Variants in NRF1 observed in about 807,000 individuals in gnomAD.
NRF1 encodes the protein alpha palindromic-binding protein.
A neutral mutation model predicts 58.5 loss-of-function variants in NRF1; 5 were observed. The observed-to-expected ratio is 0.09, with a 90% CI of 0.04 to 0.18. NRF1 has a LOEUF of 0.18. Ranked by LOEUF, NRF1 falls within the 10% of genes least tolerant of loss-of-function variation. The pLI is 1.00. For missense variants in NRF1, 288 were observed against 657.7 expected, an observed-to-expected ratio of 0.44 and a Z score of 6.15; for synonymous variants, 224 against 246.7, an observed-to-expected ratio of 0.91 and a Z score of 0.86.
chr7:129,663,630 C>T (rs1801846192), intron 2 of NRF1, among the ~76,000 whole-genome samples: 1 of 148,634 alleles, frequency 6.7e-6, no homozygotes, highest in South Asian at 2.2e-4. Context: ...AGAGGCGCTC[C>T]TCACTTCCCA....
In NRF1 at chr7:129,652,683, C is replaced by T. The variant is rs559002285; in HGVS notation, c.-6-4663C>T. On this transcript the variant is annotated intron_variant, in intron 1 of 10. Coordinates refer to ENST00000393232, the MANE Select transcript of NRF1 (RefSeq NM_005011.5). ...GCATCTCACTGCAAGCTCCGCCTTC[C>T]GGGTTCACGCCATTCTCCTACCTCA... Among the ~76,000 whole-genome samples the T allele has an allele frequency of 6.9e-4, 105 of 152,240 alleles. 2 individuals are homozygous for T. In the South Asian group the frequency reaches 0.016, roughly 23 times the overall value.
At chr7:129,654,760 G>A (rs1291850464) in intron 1 of NRF1, among the ~76,000 whole-genome samples, 2 of 152,158 alleles carry the variant, frequency 1.3e-5, no homozygotes, top group Non-Finnish European at 2.9e-5. Context: ...TCAGAGATCA[G>A]CTGGCTCTAT....
chr7:129,670,907 A>G (rs770212701), intron 2 of NRF1, among the ~76,000 whole-genome samples: 5 of 152,332 alleles, frequency 3.3e-5, no homozygotes, highest in Middle Eastern at 3.4e-3. Context: ...TTTTTCAATT[A>G]AGATGTTATT....
intron 2 of NRF1, among the ~76,000 whole-genome samples, chr7:129,669,397 G>A (rs1231413249): frequency 6.6e-6 from 1 of 152,176 alleles, no homozygotes. Flanking sequence ...GAAGTATTTA[G>A]GGGGATCATA....
At chr7:129,671,621 A>T in intron 3 of NRF1, 78 bp downstream of exon 3, 1 of 768,434 alleles carries the variant, frequency 1.3e-6, no homozygotes, top group Non-Finnish European at 2.3e-6. Flanking sequence ...ATATGTGATT[A>T]GGTTTGTCAA....
At chr7:129,636,336 G>C (rs1360120618) in intron 1 of NRF1, among the ~76,000 whole-genome samples, 1 of 151,970 alleles carries the variant, frequency 6.6e-6, no homozygotes, top group Non-Finnish European at 1.5e-5. Context: ...CTGGGTTCAA[G>C]CGATTCTTGT....
chr7:129,682,431 C>G (rs1344662554), intron 4 of NRF1, among the ~76,000 whole-genome samples: 1 of 151,282 alleles, frequency 6.6e-6, no homozygotes, highest in African/African-American at 2.4e-5. Context: ...GCACTCTAGC[C>G]TGGATGACAG....
intron 5 of NRF1, among the ~76,000 whole-genome samples, chr7:129,702,110 T>C (rs1054416360): frequency 1.3e-5 from 2 of 152,120 alleles, no homozygotes; most frequent in Non-Finnish European, 2.9e-5. Context: ...GGAGACTGGA[T>C]TGAGGGAGGA....
At chr7:129,750,348 G>A (rs980837089) in intron 10 of NRF1, among the ~76,000 whole-genome samples, 1 of 152,180 alleles carries the variant, frequency 6.6e-6, no homozygotes, top group Non-Finnish European at 1.5e-5. Flanking sequence ...GCAGCCGCCC[G>A]ACTTAGGGCA....
intron 10 of NRF1, among the ~76,000 whole-genome samples, chr7:129,746,275 C>T (rs1803972817): frequency 6.6e-6 from 1 of 152,170 alleles, no homozygotes; most frequent in African/African-American, 2.4e-5. Flanking sequence ...CCCCGTTTGC[C>T]CTACTATCAT....
chr7:129,645,428 T>C (rs1290803119), intron 1 of NRF1, among the ~76,000 whole-genome samples: 1 of 152,152 alleles, frequency 6.6e-6, no homozygotes, highest in Non-Finnish European at 1.5e-5. Flanking sequence ...CACTTGTACA[T>C]GCTGAGCCCA....
chr7:129,752,729 T>C (rs75613728), intron 10 of NRF1, among the ~76,000 whole-genome samples: 6,506 of 152,090 alleles, frequency 0.043, 168 homozygotes, highest in Middle Eastern at 0.13. Flanking sequence ...GAAAGATAAT[T>C]TGAGTGACTG....
intron 1 of NRF1, among the ~76,000 whole-genome samples, chr7:129,634,884 G>C (rs2151064059): frequency 6.6e-6 from 1 of 152,346 alleles, no homozygotes; most frequent in East Asian, 1.9e-4. Flanking sequence ...ACAAGTAATT[G>C]AGGTCTGTGG....
chr7:129,745,004 A>G (rs1027665690), intron 10 of NRF1, among the ~76,000 whole-genome samples: 1 of 100,966 alleles, frequency 9.9e-6, no homozygotes, highest in African/African-American at 2.9e-5. Context: ...AAGTTTGAAG[A>G]AAAAAAAAAG....
At chr7:129,716,774 G>A (rs1177380539) in intron 8 of NRF1, among the ~76,000 whole-genome samples, 1 of 152,068 alleles carries the variant, frequency 6.6e-6, no homozygotes, top group Non-Finnish European at 1.5e-5. Flanking sequence ...GGGAGCCTGA[G>A]GCAGGAGAAT....
chr7:129,678,187 C>T (rs921385758), intron 4 of NRF1, among the ~76,000 whole-genome samples: 58 of 152,102 alleles, frequency 3.8e-4, no homozygotes, highest in Non-Finnish European at 6.5e-4. Context: ...TTACATTTAT[C>T]AAAGAATTGA....
At chr7:129,681,819 G>A (rs1802317267) in intron 4 of NRF1, among the ~76,000 whole-genome samples, 2 of 108,676 alleles carry the variant, frequency 1.8e-5, no homozygotes, top group Non-Finnish European at 3.7e-5. Context: ...AGGTACAGTG[G>A]CTCATGCCTG....
intron 1 of NRF1, among the ~76,000 whole-genome samples, chr7:129,620,550 A>G (rs1023408591): frequency 2.0e-5 from 3 of 151,804 alleles, no homozygotes; most frequent in Non-Finnish European, 2.9e-5. Context: ...CACCATGCCC[A>G]GCTAATTTTT....
At chr7:129,751,411 A>AATAG (rs1279649013) in intron 10 of NRF1, among the ~76,000 whole-genome samples, 2 of 152,128 alleles carry the variant, frequency 1.3e-5, no homozygotes, top group Admixed American at 6.5e-5. Context: ...AGTATCAGCC[A>AATAG]ATAGATAGAT....
Sources: allele counts gnomAD v4.1 joint callset (sites outside exome capture counted in the v4.1 genomes callset), GRCh38; gene constraint gnomAD v4.1.1; transcripts MANE v1.5; gene names NCBI Gene and HGNC (gene_info 2026-07-23, HGNC 2026-07-21).